The following TAP2 variants were observed in gnomAD, a reference collection of about 807,000 sequenced individuals.
TAP2 encodes antigen peptide transporter 2.
TAP2 carries 49 observed loss-of-function variants against 74.7 expected under a neutral mutation model. That is an observed-to-expected ratio of 0.66 (90% CI 0.52 to 0.83). The LOEUF is 0.83. TAP2 is among the 40% of genes least tolerant of loss of function. TAP2 has a pLI of 0.00. For missense variants in TAP2, 739 were observed against 859.0 expected (o/e 0.86, Z 1.75); for synonymous variants, 306 against 368.4 (o/e 0.83, Z 1.94).
chr6:32,831,499 G>A (rs1769074150), intron 7 of TAP2, among the ~76,000 whole-genome samples: 1 of 152,150 alleles, frequency 6.6e-6, no homozygotes, highest in African/African-American at 2.4e-5. Flanking sequence ...CCTCTTGGAG[G>A]AAGAATGCAT....
Position 32,837,828 on chromosome 6 carries a change from C to CT in TAP2, c.405dup (p.Val136SerfsTer31). ...AGCTTCAGCAGCCTCCACATCAAGA[C>CT]TTTGTTGTTCACCTGGTCCTGCTCC... On this transcript the variant is annotated frameshift_variant, in exon 2 of 12. Coordinates refer to ENST00000374897, the MANE Select transcript of TAP2 (RefSeq NM_001290043.2). LOFTEE classifies it high-confidence loss of function. The CT allele has an allele frequency of 6.2e-7, 1 of 1,613,948 alleles. No individual in the cohort carries two copies. Among genetic ancestry groups the CT allele is most frequent in the Non-Finnish European group, 8.5e-7 (1 of 1,180,014 alleles).
chr6:32,832,255 CA>C lies in TAP2; in HGVS notation c.1272+77del. On this transcript the variant is annotated intron_variant, in intron 7 of 11. Transcript: ENST00000374897. The surrounding 1 kb of genome is among the most constrained non-coding windows in gnomAD (Gnocchi z 5.9). ...TTTTGTATTGTATTGTTAAAAAGAA[CA>C]AATAAAGCCCAAGGCCCAGGAGTCC... 6.2e-7 allele frequency: 1 copy of C among 1,601,358 alleles called. No individual in the cohort carries two copies. The highest frequency in any genetic ancestry group is 8.5e-7 in the Non-Finnish European group (1 of 1,173,176).
chr6:32,828,760 G>A lies in TAP2; in HGVS notation c.*146C>T. On this transcript the variant is annotated 3_prime_UTR_variant, in exon 12 of 12. Transcript: ENST00000374897. ...CCATCGTGCCTGCAACTCAGGAACA[G>A]CTATCTGGCCGCACAGCTCTAGGGA... 1 of 1,091,398 alleles carries A rather than the reference G, an allele frequency of 9.2e-7. No individual in the cohort carries two copies. The highest frequency in any genetic ancestry group is 1.1e-6 in the Non-Finnish European group (1 of 889,596). The allele number at this position is 1,091,398 out of a possible 1,614,324, so 67.6% of individuals were successfully genotyped here.
chr6:32,827,158 C>T lies in TAP2; in HGVS notation c.*1748G>A. The T allele has an allele frequency of 2.0e-6, 2 of 985,568 alleles. No individual in the cohort carries two copies. Among genetic ancestry groups the T allele is most frequent in the Non-Finnish European group, 1.2e-6 (1 of 829,938 alleles). The allele number at this position is 985,568 out of a possible 1,614,324, so 61.1% of individuals were successfully genotyped here. A position where few individuals can be genotyped will look rare whatever the true frequency, so the allele number is the denominator to read the frequency against. ...ACAGCAGTTCTGGGGAATTCATTGCCAGCACTGGAAACTACCTGCTGTTTC... is the reference window on the plus strand; with the variant it reads ...ACAGCAGTTCTGGGGAATTCATTGCTAGCACTGGAAACTACCTGCTGTTTC... On this transcript the variant is annotated 3_prime_UTR_variant, in exon 12 of 12. Transcript: ENST00000374897.
At position 32,828,675 on chromosome 6, in the gene TAP2, G is replaced by GGCCGCC; in HGVS notation, c.*230_*231insGGCGGC. 1.1e-6 allele frequency: 1 copy of GGCCGCC among 884,276 alleles called. No homozygotes were observed. The highest frequency in any genetic ancestry group is 1.4e-6 in the Non-Finnish European group (1 of 735,238). 54.8% of individuals were successfully genotyped at this position (884,276 alleles called of 1,614,324 possible). A position where few individuals can be genotyped will look rare whatever the true frequency, so the allele number is the denominator to read the frequency against. ...GAATTAAGTTTCCTGGACACAGACA[G>GGCCGCC]CCCCCACCCCACCCCACCCCACCTC... On this transcript the variant is annotated 3_prime_UTR_variant, in exon 12 of 12. Transcript: ENST00000374897.
chr6:32,836,852 G>A (rs1302154752), intron 3 of TAP2, among the ~76,000 whole-genome samples: 2 of 152,194 alleles, frequency 1.3e-5, no homozygotes, highest in African/African-American at 2.4e-5. Flanking sequence ...AATGGTTTTC[G>A]AGGGTACTCT....
chr6:32,829,932 G>A lies in TAP2; in HGVS notation c.1793C>T (p.Thr598Ile). The change falls in exon 10 of 12, where the codon ACA (threonine) becomes ATA (isoleucine). Residue 598 changes from threonine to isoleucine, a missense_variant and splice_region_variant. Coordinates refer to ENST00000374897, the MANE Select transcript of TAP2 (RefSeq NM_001290043.2). ...AGCTTACAATTTGTAGAAGATACCT[G>A]TGTATATTCCATGCTCCATTTCCTG... ...FIQEMEHGIY[T>I]DVGEKGSQLA... 2 of 1,613,102 alleles carry A rather than the reference G, an allele frequency of 1.2e-6. No individual in the cohort carries two copies. The highest frequency in any genetic ancestry group is 1.1e-5 in the South Asian group (1 of 91,086).
chr6:32,833,043 A>G (rs1769193404), intron 5 of TAP2, among the ~76,000 whole-genome samples: 1 of 152,210 alleles, frequency 6.6e-6, no homozygotes, highest in Non-Finnish European at 1.5e-5. Context: ...AGATACATGC[A>G]ATTTTTTTAA....
In TAP2 at chr6:32,825,861, T is replaced by C. The variant is rs1377103008; in HGVS notation, c.*3045A>G. On this transcript the variant is annotated 3_prime_UTR_variant, in exon 12 of 12. Coordinates refer to ENST00000374897, the MANE Select transcript of TAP2 (RefSeq NM_001290043.2). ...TAAATGTTTCTAAAACTCCATTTTCTCACTCTTAGAATTGAGATAGTAATA... is the reference window on the plus strand; with the variant it reads ...TAAATGTTTCTAAAACTCCATTTTCCCACTCTTAGAATTGAGATAGTAATA... 3 of 542,012 alleles carry C rather than the reference T, an allele frequency of 5.5e-6. No individual in the cohort carries two copies. The highest frequency in any genetic ancestry group is 7.0e-6 in the Non-Finnish European group (3 of 425,614). 33.6% of individuals were successfully genotyped at this position (542,012 alleles called of 1,614,324 possible).
chr6:32,829,420 C>G lies in TAP2; in HGVS notation c.1912G>C (p.Asp638His). 6.2e-7 allele frequency: 1 copy of G among 1,606,870 alleles called. No homozygotes were observed. The highest frequency in any genetic ancestry group is 1.1e-5 in the South Asian group (1 of 89,702). The change falls in exon 11 of 12, where the codon GAT (aspartate) becomes CAT (histidine). Residue 638 changes from aspartate to histidine, a missense_variant. Transcript: ENST00000374897. ...CTCACGGCCTGCTCGCACTGCACAT[C>G]TAGGGCACTAGTAGCCTCATCCAGG... Reference protein sequence around the residue: ...LILDEATSALDVQCEQALQDW... With the variant: ...LILDEATSALHVQCEQALQDW...
rs867266182 is a variant in TAP2 at position 32,837,631 on chromosome 6, A to G, written c.514T>C (p.Tyr172His). The G allele has an allele frequency of 6.2e-7, 1 of 1,614,182 alleles. No homozygotes were observed. The highest frequency in any genetic ancestry group is 8.5e-7 in the Non-Finnish European group (1 of 1,180,022). Residue 172 changes from tyrosine (Y) to histidine (H), a missense_variant, in exon 3 of 12, where the codon TAT (tyrosine) becomes CAT (histidine). Tyr to His is a moderately conservative substitution (Grantham distance 83). Coordinates refer to ENST00000374897, the MANE Select transcript of TAP2 (RefSeq NM_001290043.2). ...AVLGETLIPH[Y>H]SGRVIDILGG... ...AGGATGTCAATCACACGACCAGAAT[A>G]GTGAGGGATTAATGTCTCACCTGAA...
chr6:32,835,378 G>A lies in TAP2; in HGVS notation c.740-19C>T, dbSNP rs2127363533. The A allele has an allele frequency of 6.2e-7, 1 of 1,612,892 alleles. No homozygotes were observed. Among genetic ancestry groups the A allele is most frequent in the South Asian group, 1.1e-5 (1 of 91,068 alleles). On this transcript the variant is annotated intron_variant, in intron 4 of 11. Transcript: ENST00000374897. This position sits in a 1 kb window ranked among gnomAD's most constrained non-coding sequence, Gnocchi z 4.0. ...AGCTCCCCTAAGAAGGACAGAGCAG[G>A]TGAGGAAAAAGGAAACCATGTGTAC...
chr6:32,829,509 G>A lies in TAP2; in HGVS notation c.1823C>T (p.Ala608Val). 1 of 1,614,188 alleles carries A rather than the reference G, an allele frequency of 6.2e-7. No homozygotes were observed. Among genetic ancestry groups the A allele is most frequent in the Non-Finnish European group, 8.5e-7 (1 of 1,180,022 alleles). The change falls in exon 11 of 12, where the codon GCT becomes GTT. Residue 608 changes from alanine to valine, a missense_variant. Transcript: ENST00000374897. Reference protein sequence around the residue: ...TDVGEKGSQLAAGQKQRLAIA... With the variant: ...TDVGEKGSQLVAGQKQRLAIA... ...GGCCAGACGTTGTTTCTGTCCCGCA[G>A]CCAGCTGGCTTCCCTTCTCCCCTAC...
chr6:32,828,683 C>CACACA lies in TAP2; in HGVS notation c.*222_*223insTGTGT. The CACACA allele has an allele frequency of 1.0e-6, 1 of 991,908 alleles. No homozygotes were observed. The allele number at this position is 991,908 out of a possible 1,614,324, so 61.4% of individuals were successfully genotyped here. ...TTTCCTGGACACAGACAGCCCCCAC[C>CACACA]CCACCCCACCCCACCTCTCTACCCC... On this transcript the variant is annotated 3_prime_UTR_variant, in exon 12 of 12. Transcript: ENST00000374897.
chr6:32,830,384 C>T lies in TAP2; in HGVS notation c.1518G>A (p.Gly506=), dbSNP rs1415402120. 3.1e-6 allele frequency: 5 copies of T among 1,612,852 alleles called. No individual in the cohort carries two copies. The African/African-American group carries it at 5.3e-5, about 17-fold the overall frequency. The change falls in exon 9 of 12, where the codon GGG becomes GGA. Residue 506 remains glycine, a synonymous_variant. Coordinates refer to ENST00000374897, the MANE Select transcript of TAP2 (RefSeq NM_001290043.2). ...GGGCAGCCACTGTGCTCTTCCCAGA[C>T]CCATTGGGTCCCACCAGCGCCGTCA... The part of the protein sequence containing the change: ...GEVTALVGPN[G]SGKSTVAALL...
Position 32,829,395 on chromosome 6 carries a change from C to T in TAP2, c.1932+5G>A, listed in dbSNP as rs1411947973. 6.3e-7 allele frequency: 1 copy of T among 1,591,630 alleles called. No homozygotes were observed. Among genetic ancestry groups the T allele is most frequent in the Non-Finnish European group, 8.6e-7 (1 of 1,168,348 alleles). On this transcript the variant is annotated splice_donor_5th_base_variant and intron_variant, in intron 11 of 11. Transcript: ENST00000374897. ...CACTGTCCCCTGCCCTCTCACGGTA[C>T]TCACGGCCTGCTCGCACTGCACATC...
chr6:32,832,852 G>A lies in TAP2; in HGVS notation c.946-28C>T. The A allele has an allele frequency of 6.2e-7, 1 of 1,609,488 alleles. No homozygotes were observed. Among genetic ancestry groups the A allele is most frequent in the South Asian group, 1.1e-5 (1 of 91,070 alleles). On this transcript the variant is annotated intron_variant, in intron 5 of 11. Transcript: ENST00000374897. This position sits in a 1 kb window ranked among gnomAD's most constrained non-coding sequence, Gnocchi z 5.9. ...GGAAAAGAGGGCCAGCAAACACCAG[G>A]GCTGATGTGCAAAGACAGCAGGCCC... is the stretch of plus-strand genomic sequence containing the variant.
chr6:32,828,688 C>CACACCCCACA lies in TAP2; in HGVS notation c.*217_*218insTGTGGGGTGT. On this transcript the variant is annotated 3_prime_UTR_variant, in exon 12 of 12. Coordinates refer to ENST00000374897, the MANE Select transcript of TAP2 (RefSeq NM_001290043.2). ...TGGACACAGACAGCCCCCACCCCAC[C>CACACCCCACA]CCACCCCACCTCTCTACCCCACCAA... The CACACCCCACA allele has an allele frequency of 2.0e-6, 2 of 1,011,394 alleles. No homozygotes were observed. Among genetic ancestry groups the CACACCCCACA allele is most frequent in the Non-Finnish European group, 2.4e-6 (2 of 840,876 alleles). The allele number at this position is 1,011,394 out of a possible 1,614,324, so 62.7% of individuals were successfully genotyped here.
In TAP2 at chr6:32,832,847, A is replaced by C; in HGVS notation, c.946-23T>G. 6.2e-7 allele frequency: 1 copy of C among 1,609,908 alleles called. No individual in the cohort carries two copies. On this transcript the variant is annotated intron_variant, in intron 5 of 11. Transcript: ENST00000374897. This position sits in a 1 kb window ranked among gnomAD's most constrained non-coding sequence, Gnocchi z 5.9. ...TTCCTGGAAAAGAGGGCCAGCAAAC[A>C]CCAGGGCTGATGTGCAAAGACAGCA...
Sources: gnomAD v4.1 joint callset for allele counts (sites outside exome capture counted in the v4.1 genomes callset) on GRCh38, gnomAD v4.1.1 for gene constraint, Gnocchi (gnomAD v3.1) non-coding constraint, MANE v1.5 for transcripts, NCBI Gene and HGNC (gene_info 2026-07-23, HGNC 2026-07-21) for gene names.